Variants in MARCHF1 observed in about 807,000 individuals in gnomAD.
MARCHF1 encodes E3 ubiquitin-protein ligase MARCHF1.
MARCHF1 carries 40 observed loss-of-function variants against 54.2 expected under a neutral mutation model. That is an observed-to-expected ratio of 0.74 (90% confidence interval 0.57 to 0.96). The LOEUF (loss-of-function observed/expected upper bound fraction) is 0.96. Among genes scored for constraint, MARCHF1 ranks in the 40% least tolerant of loss-of-function variants. The pLI is 0.00. For missense variants in MARCHF1, 586 were observed against 656.5 expected (o/e 0.89, Z 1.17); for synonymous variants, 236 against 236.3 (o/e 1.00, Z 0.01).
In MARCHF1 at chr4:163,581,017, T is replaced by C. The variant is rs1222536528; in HGVS notation, c.1191+4732A>G. On this transcript the variant is annotated intron_variant, in intron 8 of 9. Coordinates refer to ENST00000514618, the MANE Select transcript of MARCHF1 (RefSeq NM_001394959.1). ...CGGGGTTTCACCTTGTTAGCCAGGA[T>C]GGTCTCGATCTCCTGACCTCATGAT... Among the ~76,000 whole-genome samples the C allele has an allele frequency of 9.0e-5, 11 of 122,026 alleles. 3 individuals are homozygous for C. The highest frequency in any genetic ancestry group is 3.5e-4 in the African/African-American group (11 of 31,708). The allele number at this position is 122,026 out of a possible 152,430, so 80.1% of individuals were successfully genotyped here.
intron 8 of MARCHF1, among the ~76,000 whole-genome samples, chr4:163,564,072 C>T (rs1350342714): frequency 6.6e-6 from 1 of 152,156 alleles, no homozygotes; most frequent in Non-Finnish European, 1.5e-5. Context: ...TACACATTGT[C>T]CTTATGTTTG....
At chr4:164,181,762 C>G (rs1242243919) in intron 1 of MARCHF1, among the ~76,000 whole-genome samples, 1 of 152,094 alleles carries the variant, frequency 6.6e-6, no homozygotes, top group Non-Finnish European at 1.5e-5. Context: ...ATTATTCTTC[C>G]TTAGATTTAT....
chr4:163,688,334 T>G (rs1195356682), intron 5 of MARCHF1, among the ~76,000 whole-genome samples: 1 of 152,216 alleles, frequency 6.6e-6, no homozygotes, highest in African/African-American at 2.4e-5. Flanking sequence ...TATCATCTTT[T>G]GTTTAAATGG....
At chr4:163,863,808 A>G (rs1749992968) in intron 3 of MARCHF1, among the ~76,000 whole-genome samples, 1 of 152,014 alleles carries the variant, frequency 6.6e-6, no homozygotes, top group Admixed American at 6.6e-5. Context: ...GCCTGGAGAA[A>G]CTTGTAGCGC....
chr4:163,769,827 A>G (rs1015963129), intron 4 of MARCHF1, among the ~76,000 whole-genome samples: 2 of 152,198 alleles, frequency 1.3e-5, no homozygotes, highest in African/African-American at 2.4e-5. Context: ...ATCAATGGTC[A>G]GGGAGTGAAT....
At chr4:163,608,852 T>C (rs1002236110) in intron 7 of MARCHF1, among the ~76,000 whole-genome samples, 1 of 152,052 alleles carries the variant, frequency 6.6e-6, no homozygotes, top group African/African-American at 2.4e-5. Flanking sequence ...CAATTGCTGC[T>C]TCTCTCAGGG....
chr4:163,534,888 CAT>C (rs1225562756), intron 9 of MARCHF1, among the ~76,000 whole-genome samples: 1 of 152,116 alleles, frequency 6.6e-6, no homozygotes, highest in East Asian at 1.9e-4. Context: ...GGTACTGTAT[CAT>C]GTATTCCAAT....
chr4:163,797,685 C>T (rs1747958084), intron 4 of MARCHF1, among the ~76,000 whole-genome samples: 2 of 151,892 alleles, frequency 1.3e-5, no homozygotes, highest in African/African-American at 4.8e-5. Flanking sequence ...TTTAAAATTT[C>T]ATTTATTATT....
intron 1 of MARCHF1, among the ~76,000 whole-genome samples, chr4:164,125,685 A>G (rs1756164596): frequency 1.3e-5 from 2 of 152,206 alleles, no homozygotes; most frequent in African/African-American, 4.8e-5. Flanking sequence ...GCTGTGGACC[A>G]GTACCAGCCT....
chr4:164,304,029 G>A (rs1374866649), intron 1 of MARCHF1, among the ~76,000 whole-genome samples: 4 of 152,156 alleles, frequency 2.6e-5, no homozygotes, highest in Non-Finnish European at 4.4e-5. Flanking sequence ...ACTACTGCAA[G>A]CTATTTCTTT....
intron 1 of MARCHF1, among the ~76,000 whole-genome samples, chr4:164,115,176 A>G (rs1755915011): frequency 6.6e-6 from 1 of 152,046 alleles, no homozygotes; most frequent in Non-Finnish European, 1.5e-5. Context: ...AAAGGGTCTT[A>G]TATTTGTTTT....
At chr4:163,586,516 T>A (rs1037834057) in intron 7 of MARCHF1, among the ~76,000 whole-genome samples, 2 of 152,232 alleles carry the variant, frequency 1.3e-5, no homozygotes, top group Non-Finnish European at 2.9e-5. Context: ...CAACCTATAT[T>A]AATTGACTTT....
intron 4 of MARCHF1, among the ~76,000 whole-genome samples, chr4:163,781,433 A>G (rs920015438): frequency 3.3e-5 from 5 of 152,176 alleles, no homozygotes; most frequent in South Asian, 2.1e-4. Flanking sequence ...CCTGAGCCCA[A>G]TTGGTGGCGG....
chr4:164,098,596 T>C (rs759161347), intron 2 of MARCHF1, among the ~76,000 whole-genome samples: 7 of 152,248 alleles, frequency 4.6e-5, no homozygotes, highest in Non-Finnish European at 1.0e-4. Context: ...GTGATTTGTG[T>C]GTCACAACGA....
At chr4:164,268,047 G>T (rs1270239089) in intron 1 of MARCHF1, among the ~76,000 whole-genome samples, 1 of 152,118 alleles carries the variant, frequency 6.6e-6, no homozygotes, top group Non-Finnish European at 1.5e-5. Flanking sequence ...ATAAGATCAG[G>T]TTTCAAAGGT....
At chr4:163,849,474 T>A (rs978853680) in intron 4 of MARCHF1, among the ~76,000 whole-genome samples, 1 of 152,168 alleles carries the variant, frequency 6.6e-6, no homozygotes, top group East Asian at 1.9e-4. Context: ...AATGGAAATG[T>A]AGGATAAGCA....
chr4:164,151,814 C>T (rs534265319), intron 1 of MARCHF1, among the ~76,000 whole-genome samples: 4 of 152,256 alleles, frequency 2.6e-5, no homozygotes, highest in African/African-American at 7.2e-5. Context: ...GGCCAACGTC[C>T]TAATTCCCTA....
Position 164,099,832 on chromosome 4 carries a change from C to T in MARCHF1, c.-248+11756G>A, listed in dbSNP as rs186586110. Among the ~76,000 whole-genome samples, 24 of 152,014 alleles carry T rather than the reference C, an allele frequency of 1.6e-4. 1 individual carries two copies. Among genetic ancestry groups the T allele is most frequent in the Admixed American group, 1.4e-3 (21 of 15,284 alleles). Reference sequence around the variant, plus strand: ...TTTAAAAGCTGTGAAAATTGTGAATCTAATACTTTTTAATTTTGTTATATT... The same window carrying T: ...TTTAAAAGCTGTGAAAATTGTGAATTTAATACTTTTTAATTTTGTTATATT... On this transcript the variant is annotated intron_variant, in intron 2 of 9. Transcript: ENST00000514618.
At chr4:163,680,658 A>G (rs1472555841) in intron 5 of MARCHF1, among the ~76,000 whole-genome samples, 1 of 152,130 alleles carries the variant, frequency 6.6e-6, no homozygotes, top group Non-Finnish European at 1.5e-5. Context: ...GTTTCTTGCC[A>G]TTCTATCTTT....
Sources: allele counts gnomAD v4.1 joint callset (sites outside exome capture counted in the v4.1 genomes callset), GRCh38; gene constraint gnomAD v4.1.1; transcripts MANE v1.5; gene names NCBI Gene and HGNC (gene_info 2026-07-23, HGNC 2026-07-21).